Variants in PARP8 observed in about 807,000 individuals in gnomAD.
PARP8 encodes the protein poly(ADP-ribose) polymerase family member 8, also known as protein mono-ADP-ribosyltransferase PARP8.
PARP8 carries 51 observed loss-of-function variants against 124.1 expected under a neutral mutation model. The observed-to-expected ratio is 0.41, with a 90% CI of 0.33 to 0.52. The LOEUF (loss-of-function observed/expected upper bound fraction) is 0.52, where lower values mean the gene tolerates loss of function less well. PARP8 is among the 20% of genes least tolerant of loss of function. The pLI is 0.21. For synonymous variants in PARP8, 391 were observed against 361.5 expected, an observed-to-expected ratio of 1.08 and a Z score of -0.93; for missense variants, 860 against 1,018.9, an observed-to-expected ratio of 0.84 and a Z score of 2.12.
chr5:50,795,450 T>C (rs540653849), intron 12 of PARP8, 33 bp downstream of exon 12: 3 of 1,527,504 alleles, frequency 2.0e-6, no homozygotes, highest in East Asian at 2.3e-5. Context: ...AGTTCTTAAA[T>C]GTTAGCTAAG....
At chr5:50,820,308 A>G (rs1050337951) in intron 15 of PARP8, among the ~76,000 whole-genome samples, 25 of 152,234 alleles carry the variant, frequency 1.6e-4, no homozygotes, top group African/African-American at 5.5e-4. Flanking sequence ...AGCTTTCCCT[A>G]TAAAGATATA....
intron 3 of PARP8, 149 bp from the exon 4 acceptor site, chr5:50,759,494 A>G (rs1363290980): frequency 2.3e-6 from 2 of 853,140 alleles, no homozygotes; most frequent in Non-Finnish European, 3.3e-6. Context: ...AATTTACTTT[A>G]TCATATTTTT....
intron 2 of PARP8, among the ~76,000 whole-genome samples, chr5:50,704,529 C>G (rs1753932046): frequency 6.6e-6 from 1 of 152,136 alleles, no homozygotes; most frequent in Non-Finnish European, 1.5e-5. Context: ...ACTCTACCCT[C>G]CCCCAAATGG....
Position 50,794,952 on chromosome 5 carries a change from T to G in PARP8, c.963T>G (p.Thr321=). The change falls in exon 12 of 26, where the codon ACT becomes ACG. Residue 321 remains threonine, a synonymous_variant. Transcript: ENST00000281631. ...AAACGCATAAGCTGCTGCGGAGGAC[T>G]TGTTCCAGCACAGTCAAGACTGATG... ...ISKTHKLLRR[T]CSSTVKTDDV... 6.2e-7 allele frequency: 1 copy of G among 1,614,188 alleles called. No individual in the cohort carries two copies. The highest frequency in any genetic ancestry group is 1.1e-5 in the South Asian group (1 of 91,084).
At chr5:50,822,497 T>C (rs751294494) in intron 17 of PARP8, 97 bp downstream of exon 17, 31 of 960,738 alleles carry the variant, frequency 3.2e-5, no homozygotes, top group Non-Finnish European at 4.7e-5. Context: ...TACATATCAT[T>C]TAAAAATTTG....
chr5:50,720,551 T>C (rs954419234), intron 2 of PARP8, among the ~76,000 whole-genome samples: 8 of 151,928 alleles, frequency 5.3e-5, no homozygotes, highest in African/African-American at 1.7e-4. Context: ...GAAAGGAAGA[T>C]CCCAGAAGCT....
chr5:50,710,649 AATAAGG>A (rs1375873432), intron 2 of PARP8, among the ~76,000 whole-genome samples: 8 of 152,130 alleles, frequency 5.3e-5, no homozygotes, highest in Non-Finnish European at 2.9e-5. Context: ...TTTAGAGAGA[AATAAGG>A]ATCAGCTTGT....
At chr5:50,746,931 C>T (rs1758604851) in intron 2 of PARP8, among the ~76,000 whole-genome samples, 1 of 152,096 alleles carries the variant, frequency 6.6e-6, no homozygotes, top group African/African-American at 2.4e-5. Flanking sequence ...CAGGAGGCTG[C>T]AGGGGGCAGT....
intron 2 of PARP8, among the ~76,000 whole-genome samples, chr5:50,674,139 C>T (rs1022567922): frequency 6.6e-6 from 1 of 152,158 alleles, no homozygotes; most frequent in African/African-American, 2.4e-5. Context: ...ATAAGTTGGG[C>T]TTTCTGTTCC....
intron 2 of PARP8, among the ~76,000 whole-genome samples, chr5:50,737,046 T>A (rs1039956409): frequency 6.6e-6 from 1 of 152,156 alleles, no homozygotes; most frequent in Non-Finnish European, 1.5e-5. Flanking sequence ...TCCACCTGAT[T>A]TTTATCTTCA....
Position 50,759,595 on chromosome 5 carries a change from A to AT in PARP8, c.185-42dup, listed in dbSNP as rs765961035. Reference sequence around the variant, plus strand: ...TAGCTATTATTTTTGTAAAGGATGTATTTTTTAAACTTATGCCTTTCATTA... The same window carrying AT: ...TAGCTATTATTTTTGTAAAGGATGTATTTTTTTAAACTTATGCCTTTCATTA... On this transcript the variant is annotated intron_variant, in intron 3 of 25. Transcript: ENST00000281631. 4 of 1,473,628 alleles carry AT rather than the reference A, an allele frequency of 2.7e-6. No individual in the cohort carries two copies. In the South Asian group the frequency reaches 4.3e-5, roughly 16 times the overall value. 91.3% of individuals were successfully genotyped at this position (1,473,628 alleles called of 1,614,324 possible).
intron 15 of PARP8, among the ~76,000 whole-genome samples, chr5:50,816,081 A>T (rs1009806395): frequency 2.6e-5 from 4 of 152,202 alleles, no homozygotes; most frequent in Non-Finnish European, 5.9e-5. Flanking sequence ...ATGAACATTA[A>T]TTAAGAGAGA....
At chr5:50,752,644 T>C (rs1019260507) in intron 3 of PARP8, among the ~76,000 whole-genome samples, 5 of 152,048 alleles carry the variant, frequency 3.3e-5, no homozygotes, top group Admixed American at 3.3e-4. Flanking sequence ...TAAAAGATTC[T>C]TTCAAACAAA....
At chr5:50,733,972 T>C (rs1757243656) in intron 2 of PARP8, among the ~76,000 whole-genome samples, 1 of 152,204 alleles carries the variant, frequency 6.6e-6, no homozygotes, top group African/African-American at 2.4e-5. Context: ...TTCCTTATTT[T>C]CTTCATACCG....
chr5:50,763,168 G>T lies in PARP8; in HGVS notation c.444G>T (p.Leu148=), dbSNP rs1157613823. Residue 148 remains leucine, a synonymous_variant, in exon 7 of 26, where the codon CTG becomes CTT. Transcript: ENST00000281631. ...ATCAGGTGAACTATGATGGGGAACT[G>T]CACAAGCACCCACAACTGGAAGCTG... ...YGGQVNYDGE[L]HKHPQLEADL... 6.2e-7 allele frequency: 1 copy of T among 1,613,348 alleles called. No individual in the cohort carries two copies. Among genetic ancestry groups the T allele is most frequent in the East Asian group, 2.2e-5 (1 of 44,846 alleles).
chr5:50,755,565 A>T lies in PARP8; in HGVS notation c.185-4078A>T, dbSNP rs1443190041. Among the ~76,000 whole-genome samples, 2 of 151,996 alleles carry T rather than the reference A, an allele frequency of 1.3e-5. 1 individual carries two copies. Among genetic ancestry groups the T allele is most frequent in the South Asian group, 4.2e-4 (2 of 4,818 alleles). On this transcript the variant is annotated intron_variant, in intron 3 of 25. Coordinates refer to ENST00000281631, the MANE Select transcript of PARP8 (RefSeq NM_024615.4). ...ATCTCTGTTTTGGTACCAGTACCAT[A>T]CTGTTTTGGTTGCTGTAGCCTTATA...
At chr5:50,675,386 C>A (rs1750498991) in intron 2 of PARP8, among the ~76,000 whole-genome samples, 1 of 152,098 alleles carries the variant, frequency 6.6e-6, no homozygotes, top group Non-Finnish European at 1.5e-5. Context: ...CTCGCTGCAA[C>A]CTCCGCCCCC....
At chr5:50,683,660 C>G (rs1751534868) in intron 2 of PARP8, among the ~76,000 whole-genome samples, 1 of 152,102 alleles carries the variant, frequency 6.6e-6, no homozygotes, top group South Asian at 2.1e-4. Context: ...TAGAACTACT[C>G]TTTATCTTCT....
chr5:50,785,516 T>C (rs1432061620), intron 9 of PARP8, among the ~76,000 whole-genome samples: 1 of 152,240 alleles, frequency 6.6e-6, no homozygotes, highest in Non-Finnish European at 1.5e-5. Context: ...CTGTATCTTC[T>C]TAAATCTTCT....
Sources: allele counts gnomAD v4.1 joint callset (sites outside exome capture counted in the v4.1 genomes callset), GRCh38; gene constraint gnomAD v4.1.1; transcripts MANE v1.5; gene names NCBI Gene and HGNC (gene_info 2026-07-23, HGNC 2026-07-21).